KCNT2: variants seen among roughly 807,000 people sequenced by gnomAD.
KCNT2 encodes the protein potassium channel subfamily T member 2.
Under a neutral mutation model 153.8 loss-of-function variants are expected in KCNT2, and 67 were observed. That is an observed-to-expected ratio of 0.44 (90% CI 0.36 to 0.53). KCNT2 has a LOEUF of 0.53. Ranked by LOEUF, KCNT2 falls within the 20% of genes least tolerant of loss-of-function variation. The pLI is 0.00. For synonymous variants in KCNT2, 500 were observed against 458.8 expected (o/e 1.09, Z -1.15); for missense variants, 975 against 1,354.8 (o/e 0.72, Z 4.40).
At chr1:196,341,788 TGAA>T (rs1371794305) in intron 15 of KCNT2, among the ~76,000 whole-genome samples, 1 of 152,022 alleles carries the variant, frequency 6.6e-6, no homozygotes, top group Non-Finnish European at 1.5e-5. Context: ...TTCAGATCTG[TGAA>T]GAAGATTTTC....
intron 15 of KCNT2, 101 bp from the exon 16 acceptor site, chr1:196,340,671 G>T (rs1031706179): frequency 1.1e-5 from 8 of 701,728 alleles, no homozygotes; most frequent in Non-Finnish European, 1.4e-5. Context: ...AGCTTGAAAT[G>T]ATCCTAGAAG....
intron 10 of KCNT2, among the ~76,000 whole-genome samples, chr1:196,427,600 T>A (rs2148535632): frequency 6.6e-6 from 1 of 152,198 alleles, no homozygotes; most frequent in South Asian, 2.1e-4. Context: ...GTCCAATTTT[T>A]GGTCATGTAT....
chr1:196,237,893 T>C (rs1477438071), intron 26 of KCNT2, among the ~76,000 whole-genome samples: 1 of 151,876 alleles, frequency 6.6e-6, no homozygotes, highest in Non-Finnish European at 1.5e-5. Context: ...AGGAGATTAC[T>C]AGGATTATTT....
At chr1:196,258,001 C>A in intron 26 of KCNT2, 193 bp downstream of exon 26, 1 of 1,396,304 alleles carries the variant, frequency 7.2e-7, no homozygotes, top group Non-Finnish European at 9.3e-7. Context: ...ACTCAGCAAA[C>A]GCTGAAAATT....
At chr1:196,501,963 C>T (rs551287215) in intron 1 of KCNT2, among the ~76,000 whole-genome samples, 3 of 152,094 alleles carry the variant, frequency 2.0e-5, no homozygotes, top group Admixed American at 2.0e-4. Flanking sequence ...TACTAAAATA[C>T]AAAAAACTAG....
In KCNT2 at chr1:196,387,453, C is replaced by G. The variant is rs186569989; in HGVS notation, c.1294+11110G>C. 4.6e-5 allele frequency among the ~76,000 whole-genome samples: 7 copies of G among 151,976 alleles called. No individual in the cohort carries two copies. In the South Asian group the frequency reaches 1.5e-3, roughly 32 times the overall value. ...AAATTCATCTATCATATCTGTATGT[C>G]CACCCTATTTTAAGCTTTCCTTGAT... On this transcript the variant is annotated intron_variant, in intron 13 of 27. Coordinates refer to ENST00000294725, the MANE Select transcript of KCNT2 (RefSeq NM_198503.5).
At chr1:196,287,100 C>T (rs1288480631) in intron 22 of KCNT2, among the ~76,000 whole-genome samples, 1 of 151,976 alleles carries the variant, frequency 6.6e-6, no homozygotes, top group East Asian at 1.9e-4. Context: ...AGAGCGTCTT[C>T]ACTTGAGATA....
chr1:196,401,557 T>C (rs1007156717), intron 12 of KCNT2, among the ~76,000 whole-genome samples: 1 of 151,838 alleles, frequency 6.6e-6, no homozygotes, highest in Non-Finnish European at 1.5e-5. Context: ...ACACATTCAC[T>C]ATATGGGCTT....
chr1:196,416,122 A>T lies in KCNT2; in HGVS notation c.1185+6928T>A, dbSNP rs534536281. On this transcript the variant is annotated intron_variant, in intron 12 of 27. Coordinates refer to ENST00000294725, the MANE Select transcript of KCNT2 (RefSeq NM_198503.5). Reference sequence around the variant, plus strand: ...TTTGTCCAGTATATTCACACTATATATGCTTCCCATCCATTAGTCACTTAG... The same window carrying T: ...TTTGTCCAGTATATTCACACTATATTTGCTTCCCATCCATTAGTCACTTAG... Among the ~76,000 whole-genome samples the T allele has an allele frequency of 2.0e-5, 3 of 152,094 alleles. No homozygotes were observed. The South Asian group carries it at 6.2e-4, about 32-fold the overall frequency.
intron 26 of KCNT2, among the ~76,000 whole-genome samples, chr1:196,241,664 A>T (rs745680093): frequency 5.9e-5 from 9 of 152,114 alleles, no homozygotes; most frequent in Non-Finnish European, 1.2e-4. Context: ...AGTGTATTCA[A>T]CATCATATGA....
At chr1:196,447,692 T>G (rs945199056) in intron 8 of KCNT2, among the ~76,000 whole-genome samples, 1 of 151,548 alleles carries the variant, frequency 6.6e-6, no homozygotes, top group South Asian at 2.1e-4. Flanking sequence ...AGTCCAGATA[T>G]GCCAAGTTTT....
chr1:196,360,271 A>T (rs1667509683), intron 14 of KCNT2, among the ~76,000 whole-genome samples: 1 of 151,902 alleles, frequency 6.6e-6, no homozygotes. Context: ...CCAGCCTTGT[A>T]GTAGGTTTTT....
chr1:196,502,950 C>G (rs553534966), intron 1 of KCNT2, among the ~76,000 whole-genome samples: 2 of 151,958 alleles, frequency 1.3e-5, no homozygotes, highest in African/African-American at 4.8e-5. Flanking sequence ...CCTCTTCATG[C>G]CCCCTGCCCA....
intron 14 of KCNT2, among the ~76,000 whole-genome samples, chr1:196,359,337 A>G (rs944602146): frequency 6.6e-6 from 1 of 152,036 alleles, no homozygotes; most frequent in African/African-American, 2.4e-5. Context: ...AATTCATTCA[A>G]TTCTCACTTC....
chr1:196,359,782 G>A (rs1487221754), intron 14 of KCNT2, among the ~76,000 whole-genome samples: 1 of 151,598 alleles, frequency 6.6e-6, no homozygotes, highest in African/African-American at 2.4e-5. Context: ...GGAAGGCAGA[G>A]GAAACAGCAT....
At chr1:196,437,200 AACT>A (rs1318775600) in intron 8 of KCNT2, among the ~76,000 whole-genome samples, 1 of 107,564 alleles carries the variant, frequency 9.3e-6, no homozygotes, top group African/African-American at 3.5e-5. Context: ...ACAATTAGGT[AACT>A]ACCAAAACCA....
chr1:196,569,793 G>A (rs967814742), intron 1 of KCNT2, among the ~76,000 whole-genome samples: 8 of 152,054 alleles, frequency 5.3e-5, no homozygotes, highest in Non-Finnish European at 1.2e-4. Flanking sequence ...TAAGCAACTG[G>A]GGTTTATGTT....
intron 22 of KCNT2, among the ~76,000 whole-genome samples, chr1:196,299,515 G>A (rs972823466): frequency 4.6e-5 from 7 of 151,968 alleles, no homozygotes; most frequent in South Asian, 2.1e-4. Flanking sequence ...TAATCATAAC[G>A]GAAATGTAAA....
At chr1:196,514,730 A>G (rs970311565) in intron 1 of KCNT2, among the ~76,000 whole-genome samples, 5 of 152,188 alleles carry the variant, frequency 3.3e-5, no homozygotes, top group Admixed American at 1.3e-4. Flanking sequence ...CTATATCTAC[A>G]TAAAAATATA....
Sources: gnomAD v4.1 joint callset for allele counts (sites outside exome capture counted in the v4.1 genomes callset) on GRCh38, gnomAD v4.1.1 for gene constraint, MANE v1.5 for transcripts, NCBI Gene and HGNC (gene_info 2026-07-23, HGNC 2026-07-21) for gene names.